The following CST7 variants were observed in gnomAD, a reference collection of about 807,000 sequenced individuals.
CST7 encodes the protein cystatin-F.
Under a neutral mutation model 13.1 loss-of-function variants are expected in CST7, and 15 were observed. That is an observed-to-expected ratio of 1.14 (90% CI 0.77 to 1.76). The LOEUF is 1.76. CST7 is among the 40% of genes most tolerant of loss of function. The pLI, the probability that CST7 is intolerant of heterozygous loss-of-function variation, is 0.00. For missense variants in CST7, 193 were observed against 178.8 expected, an observed-to-expected ratio of 1.08 and a Z score of -0.45; for synonymous variants, 75 against 66.9, an observed-to-expected ratio of 1.12 and a Z score of -0.59.
At position 24,956,068 on chromosome 20, in the gene CST7, G is replaced by T. The variant is rs566867450; in HGVS notation, c.71-1219G>T. Among the ~76,000 whole-genome samples, 468 of 152,246 alleles carry T rather than the reference G, an allele frequency of 3.1e-3. 3 individuals carry two copies. Among genetic ancestry groups the T allele is most frequent in the African/African-American group, 0.011 (454 of 41,526 alleles). On this transcript the variant is annotated intron_variant, in intron 1 of 3. Coordinates refer to ENST00000480798, the MANE Select transcript of CST7 (RefSeq NM_003650.4). ...CCTTCACAATGGAGACTCTTTACCG[G>T]GATGGGGCGACAATCCCAAGGCCAC...
intron 1 of CST7, among the ~76,000 whole-genome samples, chr20:24,951,095 C>T (rs993628655): frequency 2.6e-5 from 4 of 152,280 alleles, no homozygotes; most frequent in Non-Finnish European, 5.9e-5. Context: ...GTGGTGTTCC[C>T]GGCCCCTCGC....
Position 24,957,420 on chromosome 20 carries a change from C to G in CST7, c.204C>G (p.Phe68Leu). Residue 68 changes from phenylalanine to leucine, a missense_variant, in exon 2 of 4, where the codon TTC becomes TTG. By Grantham distance (22) the Phe-to-Leu change is conservative. Transcript: ENST00000480798. ...TCAACAACTGCACGAACGACATGTT[C>G]TTGTTCAAGGAGTCCCGCATCACAA... is the stretch of plus-strand genomic sequence containing the variant. ...EKFNNCTNDMFLFKESRITRA... is the reference protein window; with the variant it reads ...EKFNNCTNDMLLFKESRITRA... 1 of 1,613,760 alleles carries G rather than the reference C, an allele frequency of 6.2e-7. No individual in the cohort carries two copies. Among genetic ancestry groups the G allele is most frequent in the Non-Finnish European group, 8.5e-7 (1 of 1,179,778 alleles).
Position 24,957,374 on chromosome 20 carries a change from C to T in CST7, c.158C>T (p.Ala53Val), listed in dbSNP as rs1470386971. 1 of 1,613,744 alleles carries T rather than the reference C, an allele frequency of 6.2e-7. No homozygotes were observed. Among genetic ancestry groups the T allele is most frequent in the Non-Finnish European group, 8.5e-7 (1 of 1,179,784 alleles). ...AATGACCCAGGAGTCCTCCAAGCAG[C>T]CAGATACAGTGTTGAAAAGTTCAAC... is the stretch of plus-strand genomic sequence containing the variant. ...KTNDPGVLQA[A>V]RYSVEKFNNC... is the part of the protein sequence containing the mutation. Residue 53 changes from alanine to valine, a missense_variant, in exon 2 of 4, where the codon GCC (alanine) becomes GTC (valine). Transcript: ENST00000480798.
chr20:24,956,205 T>C (rs1278188068), intron 1 of CST7, among the ~76,000 whole-genome samples: 1 of 152,164 alleles, frequency 6.6e-6, no homozygotes, highest in Non-Finnish European at 1.5e-5. Flanking sequence ...TGGTGGGGTC[T>C]GGTGTGCACC....
chr20:24,954,561 T>A (rs757298905), intron 1 of CST7, among the ~76,000 whole-genome samples: 8 of 152,228 alleles, frequency 5.3e-5, no homozygotes, highest in Non-Finnish European at 2.9e-5. Context: ...AAAAATAGGT[T>A]TGACTTTTAA....
rs377221759 is a variant in CST7, at chr20:24,958,937, G to C, written c.253G>C (p.Gly85Arg). The C allele has an allele frequency of 6.2e-7, 1 of 1,613,328 alleles. No homozygotes were observed. ...CCTTTGCTCCCTCCAGATAGTGAAAGGCCTGAAATATATGCTGGAGGTGGA... is the reference window on the plus strand; with the variant it reads ...CCTTTGCTCCCTCCAGATAGTGAAACGCCTGAAATATATGCTGGAGGTGGA... ...ITRALVQIVK[G>R]LKYMLEVEIG... The change falls in exon 3 of 4, where the codon GGC becomes CGC. Residue 85 changes from glycine (G) to arginine (R), a missense_variant. Coordinates refer to ENST00000480798, the MANE Select transcript of CST7 (RefSeq NM_003650.4).
chr20:24,958,847 G>A, intron 2 of CST7, 81 bp from the exon 3 acceptor site: 1 of 1,044,718 alleles, frequency 9.6e-7, no homozygotes, highest in Middle Eastern at 2.3e-4. Flanking sequence ...CTGCACCACT[G>A]TCTTGAGGCC....
At chr20:24,957,533 A>G in intron 2 of CST7, 74 bp downstream of exon 2, 1 of 1,427,868 alleles carries the variant, frequency 7.0e-7, no homozygotes, top group South Asian at 1.3e-5. Context: ...GACACCTAGG[A>G]GAGCAGGGCG....
rs1339516666 is a variant in CST7 at position 24,949,405 on chromosome 20, C to T, written c.-101C>T. The T allele has an allele frequency of 1.1e-5, 17 of 1,603,902 alleles. No homozygotes were observed. The highest frequency in any genetic ancestry group is 5.1e-5 in the Admixed American group (3 of 59,300). ...CCTGCGCCATCTACCCAAGAAGGCT[C>T]GGCACGGGCACCAACCACTGCCTCC... On this transcript the variant is annotated 5_prime_UTR_variant, in exon 1 of 4. Coordinates refer to ENST00000480798, the MANE Select transcript of CST7 (RefSeq NM_003650.4).
chr20:24,950,199 G>A lies in CST7; in HGVS notation c.70+624G>A, dbSNP rs79927896. On this transcript the variant is annotated intron_variant, in intron 1 of 3. Transcript: ENST00000480798. ...AAGGGAACTGGGCCATGGCCTCCCT[G>A]GCACAGGAATCAGACCAGGATACTG... Among the ~76,000 whole-genome samples, 822 of 152,300 alleles carry A rather than the reference G, an allele frequency of 5.4e-3. 6 individuals carry two copies. Among genetic ancestry groups the A allele is most frequent in the African/African-American group, 0.018 (766 of 41,560 alleles).
chr20:24,951,638 G>T (rs554817544), intron 1 of CST7, among the ~76,000 whole-genome samples: 1 of 152,144 alleles, frequency 6.6e-6, no homozygotes, highest in East Asian at 1.9e-4. Flanking sequence ...ATGACTGAGG[G>T]GGGTAGGGGG....
chr20:24,959,365 C>CATACATATGATATGTATCATATGT (rs2087880889), intron 3 of CST7, among the ~76,000 whole-genome samples: 1 of 152,106 alleles, frequency 6.6e-6, no homozygotes, highest in African/African-American at 2.4e-5. Flanking sequence ...GTATCATATA[C>CATACATATGATATGTATCATATGT]ATACATATGA....
rs1225395414 is a variant in CST7, at chr20:24,959,624, C to T, written c.361-11C>T. ...AGTCTAAGCTCTCAGGTGTGCCCTTCTCTGTTTCAGACTCTGAGCTGCTAC... is the reference window on the plus strand; with the variant it reads ...AGTCTAAGCTCTCAGGTGTGCCCTTTTCTGTTTCAGACTCTGAGCTGCTAC... On this transcript the variant is annotated splice_polypyrimidine_tract_variant and intron_variant, in intron 3 of 3. Coordinates refer to ENST00000480798, the MANE Select transcript of CST7 (RefSeq NM_003650.4). 1 of 1,614,052 alleles carries T rather than the reference C, an allele frequency of 6.2e-7. No homozygotes were observed. Among genetic ancestry groups the T allele is most frequent in the South Asian group, 1.1e-5 (1 of 91,084 alleles).
chr20:24,957,015 G>GAACATGTTA (rs1375797353), intron 1 of CST7, among the ~76,000 whole-genome samples: 2 of 119,050 alleles, frequency 1.7e-5, no homozygotes, highest in Non-Finnish European at 3.6e-5. Context: ...GCAGGTGAGG[G>GAACATGTTA]GGGCAGGTGA....
intron 1 of CST7, among the ~76,000 whole-genome samples, chr20:24,950,723 G>A (rs762004836): frequency 1.7e-4 from 26 of 152,098 alleles, no homozygotes; most frequent in Admixed American, 3.3e-4. Flanking sequence ...CTTAGCTCAC[G>A]CAAGGAGCCC....
chr20:24,951,445 G>T (rs1044631392), intron 1 of CST7, among the ~76,000 whole-genome samples: 1 of 152,232 alleles, frequency 6.6e-6, no homozygotes, highest in Non-Finnish European at 1.5e-5. Context: ...ATCATTTCTG[G>T]TGCTTCCAGC....
intron 1 of CST7, among the ~76,000 whole-genome samples, chr20:24,953,094 G>GC (rs2087830576): frequency 6.6e-6 from 1 of 152,240 alleles, no homozygotes; most frequent in South Asian, 2.1e-4. Context: ...TTGGGCAGAG[G>GC]CCCTGGCAAC....
intron 1 of CST7, among the ~76,000 whole-genome samples, chr20:24,950,082 A>T (rs6114953): frequency 1.3e-5 from 2 of 152,130 alleles, no homozygotes; most frequent in Non-Finnish European, 2.9e-5. Flanking sequence ...CAGGGAGGAA[A>T]GAGCCACTGC....
At chr20:24,952,984 T>C (rs185314614) in intron 1 of CST7, among the ~76,000 whole-genome samples, 131 of 152,294 alleles carry the variant, frequency 8.6e-4, no homozygotes, top group African/African-American at 3.1e-3. Flanking sequence ...TCAGGTTGGC[T>C]TAGTGCCAGC....
Sources: gnomAD v4.1 joint callset for allele counts (sites outside exome capture counted in the v4.1 genomes callset) on GRCh38, gnomAD v4.1.1 for gene constraint, MANE v1.5 for transcripts, NCBI Gene and HGNC (gene_info 2026-07-23, HGNC 2026-07-21) for gene names.